The following PRP4K variants were observed in gnomAD, a reference collection of about 807,000 sequenced individuals.
PRP4K encodes serine/threonine-protein kinase PRP4 homolog.
the PRP4K span, chr6:4,052,237 G>A: frequency 2.2e-6 from 2 of 909,612 alleles, no homozygotes; most frequent in Non-Finnish European, 1.6e-6. Flanking sequence ...TTTAACTTGT[G>A]GTTAACAGCT....
At chr6:4,039,725 T>A in the PRP4K span, among the ~76,000 whole-genome samples, 2 of 152,170 alleles carry the variant, frequency 1.3e-5, no homozygotes, top group Non-Finnish European at 2.9e-5. Context: ...CAGCTCAATT[T>A]GATCTGTTAC....
the PRP4K span, chr6:4,032,334 G>C: frequency 6.2e-7 from 1 of 1,613,856 alleles, no homozygotes; most frequent in Non-Finnish European, 8.5e-7. Context: ...TAAATCAAAA[G>C]ATAGGAAAAA....
the PRP4K span, among the ~76,000 whole-genome samples, chr6:4,025,091 C>T: frequency 6.6e-6 from 1 of 152,118 alleles, no homozygotes; most frequent in Non-Finnish European, 1.5e-5. Context: ...ATCCAATATT[C>T]AATAGGTTCT....
chr6:4,055,725 G>A, the PRP4K span, among the ~76,000 whole-genome samples: 4 of 152,182 alleles, frequency 2.6e-5, no homozygotes, highest in African/African-American at 7.2e-5. Flanking sequence ...GACTAATATA[G>A]AGTTCATGTT....
chr6:4,057,208 T>A, the PRP4K span: 1 of 1,600,626 alleles, frequency 6.2e-7, no homozygotes, highest in Non-Finnish European at 8.5e-7. Context: ...AGCATGAGCT[T>A]CTTTAAGGTC....
chr6:4,022,049 C>T, the PRP4K span, among the ~76,000 whole-genome samples: 1 of 152,060 alleles, frequency 6.6e-6, no homozygotes, highest in Non-Finnish European at 1.5e-5. Context: ...GTCCAGCAGT[C>T]ACCCAGTATT....
chr6:4,064,953 G>A, the PRP4K span: 1 of 152,450 alleles, frequency 6.6e-6, no homozygotes, highest in South Asian at 2.1e-4. Context: ...GACTTACTGG[G>A]AAACTGAATA....
the PRP4K span, chr6:4,061,614 A>G: frequency 3.3e-5 from 5 of 152,546 alleles, no homozygotes; most frequent in South Asian, 2.1e-4. Flanking sequence ...TCATTTGTTC[A>G]TTGTTTTCAT....
the PRP4K span, among the ~76,000 whole-genome samples, chr6:4,036,985 CAAAAAAAAA>C: frequency 3.5e-5 from 4 of 113,928 alleles, no homozygotes; most frequent in African/African-American, 6.8e-5. Context: ...GACCCTGTCT[CAAAAAAAAA>C]AAAAAAAAAA....
chr6:4,037,259 G>A, the PRP4K span: 4 of 782,790 alleles, frequency 5.1e-6, no homozygotes, highest in African/African-American at 3.6e-5. Context: ...ACCTGAGTAA[G>A]TTTTGTTACA....
the PRP4K span, among the ~76,000 whole-genome samples, chr6:4,059,043 T>C: frequency 6.6e-6 from 1 of 152,256 alleles, no homozygotes; most frequent in Admixed American, 6.5e-5. Context: ...ATTTAGGCCC[T>C]CGTCACATCT....
chr6:4,023,268 A>G, the PRP4K span, among the ~76,000 whole-genome samples: 1 of 152,244 alleles, frequency 6.6e-6, no homozygotes, highest in African/African-American at 2.4e-5. Flanking sequence ...GAAAATTTAG[A>G]AAGAATAAAT....
At chr6:4,049,749 G>A in the PRP4K span, 4 of 1,612,336 alleles carry the variant, frequency 2.5e-6, no homozygotes, top group Non-Finnish European at 1.7e-6. Flanking sequence ...CATAGGTGAA[G>A]TCCTAGATAA....
the PRP4K span, among the ~76,000 whole-genome samples, chr6:4,027,919 A>G: frequency 6.6e-6 from 1 of 152,274 alleles, no homozygotes; most frequent in South Asian, 2.1e-4. Flanking sequence ...TACTTTGGGC[A>G]CTTAGATTTT....
the PRP4K span, chr6:4,043,870 C>A: frequency 1.2e-6 from 2 of 1,614,092 alleles, no homozygotes; most frequent in Non-Finnish European, 1.7e-6. Flanking sequence ...ACCAAGCAGC[C>A]CCCAGAGCAG....
chr6:4,036,435 T>G, the PRP4K span, among the ~76,000 whole-genome samples: 7 of 152,192 alleles, frequency 4.6e-5, no homozygotes, highest in Non-Finnish European at 7.4e-5. Context: ...TTACCCAGGC[T>G]GGTCTCAAAC....
the PRP4K span, chr6:4,021,583 G>A: frequency 7.0e-7 from 1 of 1,422,614 alleles, no homozygotes; most frequent in Non-Finnish European, 9.6e-7. Flanking sequence ...TGCTTTTTCC[G>A]GCGCGATTCG....
chr6:4,042,425 T>G, the PRP4K span: 1 of 1,308,938 alleles, frequency 7.6e-7, no homozygotes, highest in Non-Finnish European at 1.1e-6. Flanking sequence ...TGCCTTTAAC[T>G]TTAAAATGTA....
the PRP4K span, chr6:4,056,741 C>G: frequency 2.7e-6 from 4 of 1,506,984 alleles, no homozygotes; most frequent in Non-Finnish European, 3.6e-6. Flanking sequence ...TTCCTGTTGC[C>G]TTGGTTGAGG....
Sources: allele counts gnomAD v4.1 joint callset (sites outside exome capture counted in the v4.1 genomes callset), GRCh38; gene constraint gnomAD v4.1.1; transcripts MANE v1.5; gene names NCBI Gene and HGNC (gene_info 2026-07-23, HGNC 2026-07-21).